The following COG7 variants were observed in gnomAD, a reference collection of about 807,000 sequenced individuals.
COG7 encodes component of oligomeric golgi complex 7, also known as conserved oligomeric Golgi complex subunit 7.
In COG7, 49 loss-of-function variants were observed where a neutral mutation model predicts 91.5. The observed-to-expected ratio is 0.54, with a 90% CI of 0.43 to 0.68. The LOEUF (loss-of-function observed/expected upper bound fraction) is 0.68. Among genes scored for constraint, COG7 ranks in the 30% least tolerant of loss-of-function variants. The probability of loss-of-function intolerance (pLI) is 0.00; values close to 1 mark genes in which losing one functional copy is unlikely to be tolerated. For missense variants in COG7, 895 were observed against 961.3 expected (o/e 0.93, Z 0.91); for synonymous variants, 365 against 388.7 (o/e 0.94, Z 0.72).
chr16:23,421,311 A>G (rs559929407), intron 7 of COG7, among the ~76,000 whole-genome samples: 1 of 151,886 alleles, frequency 6.6e-6, no homozygotes, highest in East Asian at 1.9e-4. Context: ...TCACTATATA[A>G]GGATCTTTCA....
chr16:23,434,406 TC>T lies in COG7; in HGVS notation c.687+229del, dbSNP rs111868608. Among the ~76,000 whole-genome samples, 297 of 152,276 alleles carry T rather than the reference TC, an allele frequency of 2.0e-3. 2 individuals are homozygous for T. The highest frequency in any genetic ancestry group is 7.0e-3 in the African/African-American group (293 of 41,564). ...AACAACGTTTCAAGTCTATAATGAA[TC>T]CAGCTGTAAACAGAAAAGAGAATGA... On this transcript the variant is annotated intron_variant, in intron 5 of 16. Transcript: ENST00000307149.
intron 13 of COG7, among the ~76,000 whole-genome samples, chr16:23,399,817 AC>A (rs1963345487): frequency 6.6e-6 from 1 of 152,124 alleles, no homozygotes; most frequent in African/African-American, 2.4e-5. Context: ...GAGGAAACTT[AC>A]CATTCAAAAA....
In COG7 at chr16:23,405,992, C is replaced by A. The variant is rs530683275; in HGVS notation, c.1662+84G>T. 160 of 1,292,944 alleles carry A rather than the reference C, an allele frequency of 1.2e-4. 2 individuals are homozygous for A. The South Asian group carries it at 1.5e-3, about 12-fold the overall frequency. 80.1% of individuals were successfully genotyped at this position (1,292,944 alleles called of 1,614,324 possible). On this transcript the variant is annotated intron_variant, in intron 12 of 16. Transcript: ENST00000307149. Reference sequence around the variant, plus strand: ...TCACAGCCCAGGGCCACACACAGGGCCCGCCTGTAACCCAGAGAGGGAGAG... The same window carrying A: ...TCACAGCCCAGGGCCACACACAGGGACCGCCTGTAACCCAGAGAGGGAGAG...
intron 7 of COG7, among the ~76,000 whole-genome samples, chr16:23,420,290 A>G (rs1366171336): frequency 6.6e-6 from 1 of 152,226 alleles, no homozygotes; most frequent in Non-Finnish European, 1.5e-5. Flanking sequence ...AAATCAACAA[A>G]TACACAGAGA....
intron 6 of COG7, among the ~76,000 whole-genome samples, chr16:23,430,437 A>C (rs981177171): frequency 7.2e-5 from 11 of 152,110 alleles, no homozygotes; most frequent in African/African-American, 2.7e-4. Context: ...TCAGAAAAAA[A>C]AAAAAAAAGA....
intron 1 of COG7, 138 bp downstream of exon 1, chr16:23,452,688 T>C (rs1964283078): frequency 1.4e-6 from 2 of 1,456,842 alleles, no homozygotes; most frequent in African/African-American, 2.8e-5. Flanking sequence ...TGATCAGGAG[T>C]TCGGGGCTTG....
At chr16:23,404,393 A>G (rs1165596173) in intron 12 of COG7, among the ~76,000 whole-genome samples, 2 of 152,260 alleles carry the variant, frequency 1.3e-5, no homozygotes, top group Non-Finnish European at 2.9e-5. Flanking sequence ...ATTACAACAG[A>G]CATAAATCAG....
intron 7 of COG7, among the ~76,000 whole-genome samples, chr16:23,423,023 C>CG: frequency 8.6e-6 from 1 of 116,588 alleles, no homozygotes; most frequent in South Asian, 2.8e-4. Context: ...CCAGCCTGGG[C>CG]AACAAAGCAA....
At chr16:23,427,293 G>A (rs376337616) in intron 6 of COG7, among the ~76,000 whole-genome samples, 12 of 151,736 alleles carry the variant, frequency 7.9e-5, no homozygotes, top group Admixed American at 1.3e-4. Context: ...GGCTAGGCGC[G>A]GCGGCTCACG....
intron 1 of COG7, among the ~76,000 whole-genome samples, chr16:23,450,218 G>A (rs1964244848): frequency 6.6e-6 from 1 of 152,128 alleles, no homozygotes; most frequent in African/African-American, 2.4e-5. Context: ...TTACAGGCAT[G>A]AGCCACTGCG....
At chr16:23,445,266 A>G in intron 2 of COG7, 102 bp from the exon 3 acceptor site, 2 of 841,016 alleles carry the variant, frequency 2.4e-6, no homozygotes, top group East Asian at 4.8e-5. Flanking sequence ...TTCTGTCTTT[A>G]GGGAGCTTCT....
intron 2 of COG7, among the ~76,000 whole-genome samples, chr16:23,445,478 C>A (rs1964166387): frequency 6.6e-6 from 1 of 152,086 alleles, no homozygotes; most frequent in Non-Finnish European, 1.5e-5. Flanking sequence ...CATGGTGAAA[C>A]CCTGTCTCTA....
chr16:23,392,650 C>A, intron 15 of COG7, 127 bp from the exon 16 acceptor site: 1 of 1,109,204 alleles, frequency 9.0e-7, no homozygotes, highest in Non-Finnish European at 1.4e-6. Context: ...CATCTTAGGG[C>A]CAGGTGCAGT....
rs537459863 is a variant in COG7 at position 23,388,655 on chromosome 16, C to T, written c.*265G>A. ...TTTTTTTTTTTTTGAGACAGAGTCT[C>T]GCTCTGCTGTTAATTTTTGTATTTT... On this transcript the variant is annotated 3_prime_UTR_variant, in exon 17 of 17. Coordinates refer to ENST00000307149, the MANE Select transcript of COG7 (RefSeq NM_153603.4). The T allele has an allele frequency of 4.7e-5, 10 of 211,832 alleles. No individual in the cohort carries two copies. The highest frequency in any genetic ancestry group is 2.5e-4 in the South Asian group (3 of 11,958). 13.1% of individuals were successfully genotyped at this position (211,832 alleles called of 1,614,324 possible). A position where few individuals can be genotyped will look rare whatever the true frequency, so the allele number is the denominator to read the frequency against.
rs79439507 is a variant in COG7, at chr16:23,391,130, C to T, written c.2146+1250G>A. ...ATCCTTACAGTGTAAGCTCACTAAG[C>T]ATGGGAGCTGCCTAAAGCTTTGTTG... On this transcript the variant is annotated intron_variant, in intron 16 of 16. Coordinates refer to ENST00000307149, the MANE Select transcript of COG7 (RefSeq NM_153603.4). Among the ~76,000 whole-genome samples, 774 of 152,324 alleles carry T rather than the reference C, an allele frequency of 5.1e-3. 10 individuals are homozygous for T. The highest frequency in any genetic ancestry group is 0.018 in the African/African-American group (745 of 41,568).
chr16:23,419,880 T>C (rs1372830242), intron 7 of COG7, among the ~76,000 whole-genome samples: 1 of 151,946 alleles, frequency 6.6e-6, no homozygotes, highest in Non-Finnish European at 1.5e-5. Flanking sequence ...CTCACACGTG[T>C]AATCCCAGCA....
chr16:23,392,886 G>A (rs1378675264), intron 15 of COG7, among the ~76,000 whole-genome samples: 5 of 152,106 alleles, frequency 3.3e-5, no homozygotes, highest in African/African-American at 4.8e-5. Flanking sequence ...AGTCAAGATC[G>A]CGCCACTGCA....
At chr16:23,428,385 C>T (rs1443440970) in intron 6 of COG7, among the ~76,000 whole-genome samples, 1 of 151,536 alleles carries the variant, frequency 6.6e-6, no homozygotes, top group East Asian at 1.9e-4. Context: ...AAACCTGCTA[C>T]AACTCAATAA....
At chr16:23,414,595 C>A (rs1010567008) in intron 9 of COG7, 6 of 152,552 alleles carry the variant, frequency 3.9e-5, no homozygotes, top group Non-Finnish European at 7.3e-5. Context: ...CGCCACTGCA[C>A]TCCAGCCTGG....
Sources: gnomAD v4.1 joint callset for allele counts (sites outside exome capture counted in the v4.1 genomes callset) on GRCh38, gnomAD v4.1.1 for gene constraint, MANE v1.5 for transcripts, NCBI Gene and HGNC (gene_info 2026-07-23, HGNC 2026-07-21) for gene names.